Variants in VEZT observed in about 807,000 individuals in gnomAD.
The protein encoded by VEZT is vezatin.
Under a neutral mutation model 79.9 loss-of-function variants are expected in VEZT, and 39 were observed. That is an observed-to-expected ratio of 0.49 (90% CI 0.38 to 0.64). VEZT has a LOEUF of 0.64. Ranked by LOEUF, VEZT falls within the 30% of genes least tolerant of loss-of-function variation. VEZT has a pLI of 0.00. For synonymous variants in VEZT, 325 were observed against 327.6 expected (o/e 0.99, Z 0.09); for missense variants, 837 against 893.1 (o/e 0.94, Z 0.80).
chr12:95,301,298 A>G lies in VEZT; in HGVS notation c.*625A>G, dbSNP rs1264526071. 1 of 152,186 alleles carries G rather than the reference A, an allele frequency of 6.6e-6. No individual in the cohort carries two copies. The highest frequency in any genetic ancestry group is 1.5e-5 in the Non-Finnish European group (1 of 68,038). The allele number at this position is 152,186 out of a possible 1,614,324, so 9.4% of individuals were successfully genotyped here. A position where few individuals can be genotyped will look rare whatever the true frequency, so the allele number is the denominator to read the frequency against. ...TTTAAGATGTCCTAGTGATCTTTAAAAGAAAAATATTGTACCATTTTTTAG... is the reference window on the plus strand; with the variant it reads ...TTTAAGATGTCCTAGTGATCTTTAAGAGAAAAATATTGTACCATTTTTTAG... On this transcript the variant is annotated 3_prime_UTR_variant, in exon 12 of 12. Coordinates refer to ENST00000436874, the MANE Select transcript of VEZT (RefSeq NM_017599.4).
Position 95,289,129 on chromosome 12 carries a change from T to TAAAAAAAA in VEZT, c.1522+1278_1522+1279insAAAAAAAA, listed in dbSNP as rs1555292252. 2.8e-5 allele frequency among the ~76,000 whole-genome samples: 4 copies of TAAAAAAAA among 141,498 alleles called. No individual in the cohort carries two copies. The South Asian group carries it at 6.8e-4, about 24-fold the overall frequency. 92.8% of individuals were successfully genotyped at this position (141,498 alleles called of 152,430 possible). The stretch of plus-strand genomic sequence containing the variant: ...ATAAATAAATAAATAAATAAATAAA[T>TAAAAAAAA]AAAAAAGGCCAGGCTCAGTGGCTCA... On this transcript the variant is annotated intron_variant, in intron 9 of 11. Coordinates refer to ENST00000436874, the MANE Select transcript of VEZT (RefSeq NM_017599.4).
At chr12:95,294,858 A>G (rs2073805208) in intron 10 of VEZT, among the ~76,000 whole-genome samples, 4 of 152,160 alleles carry the variant, frequency 2.6e-5, no homozygotes. Flanking sequence ...ACAAGTTACT[A>G]TTCAGTATTC....
At chr12:95,248,164 T>C (rs924056872) in intron 1 of VEZT, among the ~76,000 whole-genome samples, 2 of 152,230 alleles carry the variant, frequency 1.3e-5, no homozygotes, top group Non-Finnish European at 2.9e-5. Flanking sequence ...CTCATAGTTA[T>C]ATAGCACAAA....
In VEZT at chr12:95,253,599, G is replaced by A. The variant is rs186115834; in HGVS notation, c.168+1528G>A. On this transcript the variant is annotated intron_variant, in intron 2 of 11. Transcript: ENST00000436874. The stretch of plus-strand genomic sequence containing the variant: ...AAAGAATGGCCAGGGGATAGTCTTA[G>A]AGCAGCAGATGGTCATTGACCTCTA... Among the ~76,000 whole-genome samples, 247 of 152,312 alleles carry A rather than the reference G, an allele frequency of 1.6e-3. 1 individual carries two copies. The highest frequency in any genetic ancestry group is 5.4e-3 in the African/African-American group (226 of 41,564).
At chr12:95,281,519 A>G (rs1217436281) in intron 7 of VEZT, among the ~76,000 whole-genome samples, 1 of 151,238 alleles carries the variant, frequency 6.6e-6, no homozygotes, top group African/African-American at 2.4e-5. Flanking sequence ...GGGTTTTGCA[A>G]TTTCTCATGT....
In VEZT at chr12:95,266,282, T is replaced by G. The variant is rs888876920; in HGVS notation, c.435-75T>G. 5.5e-6 allele frequency: 8 copies of G among 1,462,398 alleles called. No individual in the cohort carries two copies. The African/African-American group carries it at 1.1e-4, about 21-fold the overall frequency. The allele number at this position is 1,462,398 out of a possible 1,614,324, so 90.6% of individuals were successfully genotyped here. ...TTAGTAAACCTAAATTTAAATTTTG[T>G]TTTTACTGATTAAAGTAATTCATCT... On this transcript the variant is annotated intron_variant, in intron 4 of 11. Transcript: ENST00000436874.
Position 95,234,284 on chromosome 12 carries a change from C to CT in VEZT, c.36+16418dup, listed in dbSNP as rs10587022. ...GTTAGCCAAATTTTCTATCAATAAT[C>CT]TTTTTTTTTTTTTTTTTTTTGAGAC... On this transcript the variant is annotated intron_variant, in intron 1 of 11. Transcript: ENST00000436874. Among the ~76,000 whole-genome samples, 263 of 122,916 alleles carry CT rather than the reference C, an allele frequency of 2.1e-3. 2 individuals carry two copies. The highest frequency in any genetic ancestry group is 2.5e-3 in the Non-Finnish European group (148 of 58,542). The allele number at this position is 122,916 out of a possible 152,430, so 80.6% of individuals were successfully genotyped here.
intron 11 of VEZT, among the ~76,000 whole-genome samples, chr12:95,297,186 A>T (rs1691731598): frequency 6.6e-6 from 1 of 152,226 alleles, no homozygotes; most frequent in Non-Finnish European, 1.5e-5. Flanking sequence ...CATGGGAGAC[A>T]GGGAAGGAAT....
intron 7 of VEZT, among the ~76,000 whole-genome samples, chr12:95,278,572 G>C (rs2068278098): frequency 6.6e-6 from 1 of 152,140 alleles, no homozygotes; most frequent in Non-Finnish European, 1.5e-5. Flanking sequence ...TTTAAAAATA[G>C]ATTTTGTAAG....
intron 1 of VEZT, among the ~76,000 whole-genome samples, chr12:95,241,375 T>C (rs528193397): frequency 6.6e-6 from 1 of 152,020 alleles, no homozygotes; most frequent in Non-Finnish European, 1.5e-5. Flanking sequence ...GAGTCTTGCA[T>C]GGCTTACTGC....
intron 7 of VEZT, among the ~76,000 whole-genome samples, chr12:95,282,029 A>C (rs2069289008): frequency 6.6e-6 from 1 of 151,954 alleles, no homozygotes; most frequent in African/African-American, 2.4e-5. Flanking sequence ...GTGAAGATTC[A>C]CTTTTACTAA....
At chr12:95,267,865 TAA>T (rs933918539) in intron 5 of VEZT, among the ~76,000 whole-genome samples, 1 of 151,830 alleles carries the variant, frequency 6.6e-6, no homozygotes, top group Non-Finnish European at 1.5e-5. Context: ...CTACAAATAA[TAA>T]AAAATTAGCC....
intron 1 of VEZT, among the ~76,000 whole-genome samples, chr12:95,230,016 A>G (rs1565990298): frequency 6.6e-6 from 1 of 151,258 alleles, no homozygotes; most frequent in Non-Finnish European, 1.5e-5. Context: ...GACGTAGGAG[A>G]ATTGCTTGAA....
chr12:95,254,339 CTTTTT>C (rs34968028), intron 2 of VEZT, among the ~76,000 whole-genome samples: 1 of 69,402 alleles, frequency 1.4e-5, no homozygotes, highest in South Asian at 6.6e-4. Context: ...AAACGAAGTT[CTTTTT>C]TTTTTTTTTT....
intron 6 of VEZT, 106 bp from the exon 7 acceptor site, chr12:95,274,636 T>C: frequency 1.1e-5 from 14 of 1,264,284 alleles, no homozygotes; most frequent in Non-Finnish European, 1.5e-5. Context: ...AACCTCCTCA[T>C]CCAAAAGTTC....
At chr12:95,298,123 AAAT>A (rs557389826) in intron 11 of VEZT, among the ~76,000 whole-genome samples, 12 of 149,706 alleles carry the variant, frequency 8.0e-5, no homozygotes, top group Admixed American at 1.3e-4. Flanking sequence ...CTCTCTCAAA[AAAT>A]AATAATAATA....
chr12:95,294,297 C>A lies in VEZT; in HGVS notation c.1548C>A (p.Asn516Lys). ...GCAAGCCTGAAATAGCATGTGAAAA[C>A]CCACATTGTACAGTAGTACCTTTGA... is the stretch of plus-strand genomic sequence containing the variant. ...KKGKPEIACENPHCTVVPLKQ... is the reference protein window; with the variant it reads ...KKGKPEIACEKPHCTVVPLKQ... The change falls in exon 10 of 12, where the codon AAC becomes AAA. Residue 516 changes from asparagine (N) to lysine (K), a missense_variant. Transcript: ENST00000436874. 1 of 1,591,238 alleles carries A rather than the reference C, an allele frequency of 6.3e-7. No homozygotes were observed. Among genetic ancestry groups the A allele is most frequent in the Non-Finnish European group, 8.6e-7 (1 of 1,168,298 alleles).
intron 10 of VEZT, among the ~76,000 whole-genome samples, chr12:95,294,574 T>C (rs1217262277): frequency 1.3e-5 from 2 of 152,212 alleles, no homozygotes; most frequent in African/African-American, 4.8e-5. Flanking sequence ...CAAAAGTGAT[T>C]AAACACATTG....
At chr12:95,235,849 A>C (rs2060066711) in intron 1 of VEZT, among the ~76,000 whole-genome samples, 1 of 151,378 alleles carries the variant, frequency 6.6e-6, no homozygotes, top group African/African-American at 2.4e-5. Flanking sequence ...GACGCTCCTC[A>C]CATCCCAGAC....
Sources: gnomAD v4.1 joint callset for allele counts (sites outside exome capture counted in the v4.1 genomes callset) on GRCh38, gnomAD v4.1.1 for gene constraint, MANE v1.5 for transcripts, NCBI Gene and HGNC (gene_info 2026-07-23, HGNC 2026-07-21) for gene names.